The following TAOK3 variants were observed in gnomAD, a reference collection of about 807,000 sequenced individuals.
TAOK3 encodes serine/threonine-protein kinase TAO3.
A neutral mutation model predicts 120.4 loss-of-function variants in TAOK3; 40 were observed. The ratio of observed to expected loss-of-function variants is 0.33; its 90% confidence interval spans 0.26 to 0.43. The LOEUF (loss-of-function observed/expected upper bound fraction) is 0.43. TAOK3 is among the 20% of genes least tolerant of loss of function. TAOK3 has a pLI of 1.00. For synonymous variants in TAOK3, 355 were observed against 387.5 expected (o/e 0.92, Z 0.99); for missense variants, 821 against 1,112.1 (o/e 0.74, Z 3.72).
At chr12:118,281,054 C>T (rs955243321) in intron 1 of TAOK3, among the ~76,000 whole-genome samples, 5 of 152,128 alleles carry the variant, frequency 3.3e-5, no homozygotes, top group African/African-American at 1.2e-4. Flanking sequence ...TTTTGTATCC[C>T]GAAACTGCTG....
Position 118,167,564 on chromosome 12 carries a change from C to T in TAOK3, c.1899+4893G>A, listed in dbSNP as rs184288215. On this transcript the variant is annotated intron_variant, in intron 17 of 20. Coordinates refer to ENST00000392533, the MANE Select transcript of TAOK3 (RefSeq NM_016281.4). ...TGAAAAAGAATGAAGCAGAGCTGTACGTGCTGGAAGGTAAATGGAAAAAAG... is the reference window on the plus strand; with the variant it reads ...TGAAAAAGAATGAAGCAGAGCTGTATGTGCTGGAAGGTAAATGGAAAAAAG... 6.6e-5 allele frequency among the ~76,000 whole-genome samples: 10 copies of T among 151,294 alleles called. No homozygotes were observed. In the South Asian group the frequency reaches 8.4e-4, roughly 13 times the overall value.
At chr12:118,308,086 T>C (rs1306253368) in intron 1 of TAOK3, among the ~76,000 whole-genome samples, 1 of 151,814 alleles carries the variant, frequency 6.6e-6, no homozygotes, top group Non-Finnish European at 1.5e-5. Context: ...ATACAGGTCA[T>C]AAAGACCTTG....
At chr12:118,309,812 C>T (rs907118414) in intron 1 of TAOK3, among the ~76,000 whole-genome samples, 3 of 151,970 alleles carry the variant, frequency 2.0e-5, no homozygotes, top group Non-Finnish European at 4.4e-5. Flanking sequence ...CATCAGGCCC[C>T]GCCACATGGT....
At chr12:118,189,719 A>G in intron 14 of TAOK3, 88 bp downstream of exon 14, 1 of 1,490,812 alleles carries the variant, frequency 6.7e-7, no homozygotes, top group Non-Finnish European at 9.2e-7. Flanking sequence ...CCCATCCATG[A>G]AGCCGAGACA....
Position 118,150,666 on chromosome 12 carries a change from C to CT in TAOK3, c.*330dup, listed in dbSNP as rs1351219924. 4.4e-4 allele frequency: 89 copies of CT among 201,654 alleles called. No homozygotes were observed. The highest frequency in any genetic ancestry group is 1.2e-4 in the Non-Finnish European group (12 of 99,682). The allele number at this position is 201,654 out of a possible 1,614,324, so 12.5% of individuals were successfully genotyped here. A position where few individuals can be genotyped will look rare whatever the true frequency, so the allele number is the denominator to read the frequency against. On this transcript the variant is annotated 3_prime_UTR_variant, in exon 21 of 21. Transcript: ENST00000392533. Reference sequence around the variant, plus strand: ...GATTGCTTAAAGCAATATACATCCACTTTTTTTGTTGTTGGTTTATTGGTT... The same window carrying CT: ...GATTGCTTAAAGCAATATACATCCACTTTTTTTTGTTGTTGGTTTATTGGTT...
chr12:118,215,299 T>A (rs1171219843), intron 9 of TAOK3, among the ~76,000 whole-genome samples: 1 of 124,052 alleles, frequency 8.1e-6, no homozygotes, highest in Non-Finnish European at 1.6e-5. Flanking sequence ...ATCGAGACCA[T>A]CCTGGCTAAC....
chr12:118,280,032 T>C (rs1382922690), intron 1 of TAOK3, among the ~76,000 whole-genome samples: 3 of 151,192 alleles, frequency 2.0e-5, no homozygotes, highest in Admixed American at 2.0e-4. Context: ...CCCAAAGTGC[T>C]GGGATTACAG....
Position 118,172,668 on chromosome 12 carries a change from G to C in TAOK3, c.1696-8C>G. On this transcript the variant is annotated splice_region_variant and splice_polypyrimidine_tract_variant and intron_variant, in intron 16 of 20. Coordinates refer to ENST00000392533, the MANE Select transcript of TAOK3 (RefSeq NM_016281.4). ...ATGGTCCTCATTCATTTCCTAAAAA[G>C]AACAGACAAAAACCAAGCCAGCCTT... 1 of 1,613,514 alleles carries C rather than the reference G, an allele frequency of 6.2e-7. No homozygotes were observed. The highest frequency in any genetic ancestry group is 8.5e-7 in the Non-Finnish European group (1 of 1,179,630).
At chr12:118,233,286 A>T (rs1191055180) in intron 9 of TAOK3, among the ~76,000 whole-genome samples, 11 of 151,140 alleles carry the variant, frequency 7.3e-5, no homozygotes, top group Non-Finnish European at 1.5e-4. Flanking sequence ...TAGCATTAGG[A>T]GATATACCTA....
intron 1 of TAOK3, among the ~76,000 whole-genome samples, chr12:118,303,359 A>G (rs572230177): frequency 1.3e-3 from 202 of 152,164 alleles, no homozygotes; most frequent in Non-Finnish European, 2.4e-3. Flanking sequence ...AGGATTTTCA[A>G]TCTGTTTTGT....
intron 14 of TAOK3, among the ~76,000 whole-genome samples, chr12:118,182,818 A>G (rs2036847713): frequency 6.6e-6 from 1 of 151,826 alleles, no homozygotes; most frequent in South Asian, 2.1e-4. Context: ...ACTCTCCTAA[A>G]GAGGACAAAG....
intron 2 of TAOK3, among the ~76,000 whole-genome samples, chr12:118,261,343 G>C (rs2041220200): frequency 6.6e-6 from 1 of 152,106 alleles, no homozygotes; most frequent in Non-Finnish European, 1.5e-5. Flanking sequence ...TGAACCTCAA[G>C]CACAAGAAAT....
intron 1 of TAOK3, among the ~76,000 whole-genome samples, chr12:118,303,300 T>C (rs2042940973): frequency 6.6e-6 from 1 of 152,326 alleles, no homozygotes; most frequent in East Asian, 1.9e-4. Flanking sequence ...TTTCACTTAA[T>C]TTGCATATTT....
chr12:118,283,012 A>G (rs1424320088), intron 1 of TAOK3, among the ~76,000 whole-genome samples: 1 of 152,256 alleles, frequency 6.6e-6, no homozygotes, highest in Non-Finnish European at 1.5e-5. Context: ...TCAAAGGATA[A>G]GTGACAAACT....
chr12:118,290,108 T>A (rs747484769), intron 1 of TAOK3, among the ~76,000 whole-genome samples: 4 of 152,198 alleles, frequency 2.6e-5, no homozygotes, highest in Non-Finnish European at 5.9e-5. Context: ...CTACTGCCAG[T>A]GTTATTAACC....
At chr12:118,223,693 GAGTGC>G (rs1396019299) in intron 9 of TAOK3, among the ~76,000 whole-genome samples, 1 of 150,460 alleles carries the variant, frequency 6.6e-6, no homozygotes, top group Non-Finnish European at 1.5e-5. Flanking sequence ...TCCCAGGCTG[GAGTGC>G]AGTGGTACAA....
chr12:118,225,613 G>C (rs1470398358), intron 9 of TAOK3, among the ~76,000 whole-genome samples: 1 of 152,086 alleles, frequency 6.6e-6, no homozygotes, highest in Non-Finnish European at 1.5e-5. Flanking sequence ...CTTTGAGTCT[G>C]AGATGTCATT....
chr12:118,363,350 A>G (rs1017530923), intron 1 of TAOK3, among the ~76,000 whole-genome samples: 1 of 152,184 alleles, frequency 6.6e-6, no homozygotes. Context: ...TATTATTTTG[A>G]ACCTAAAGTA....
chr12:118,233,190 G>A (rs556851292), intron 9 of TAOK3, among the ~76,000 whole-genome samples: 110 of 143,874 alleles, frequency 7.6e-4, no homozygotes, highest in African/African-American at 2.8e-3. Flanking sequence ...CTCATAGGTG[G>A]GAATTGAACA....
Sources: allele counts gnomAD v4.1 joint callset (sites outside exome capture counted in the v4.1 genomes callset), GRCh38; gene constraint gnomAD v4.1.1; transcripts MANE v1.5; gene names NCBI Gene and HGNC (gene_info 2026-07-23, HGNC 2026-07-21).